The following SNX5 variants were observed in gnomAD, a reference collection of about 807,000 sequenced individuals.
The protein encoded by SNX5 is sorting nexin-5.
Under a neutral mutation model 53.9 loss-of-function variants are expected in SNX5, and 31 were observed. That is an observed-to-expected ratio of 0.58 (90% CI 0.43 to 0.78). The LOEUF is 0.78. Among genes scored for constraint, SNX5 ranks in the 30% least tolerant of loss-of-function variants. The pLI is 0.00. For synonymous variants in SNX5, 168 were observed against 171.1 expected, an observed-to-expected ratio of 0.98 and a Z score of 0.14; for missense variants, 471 against 478.8, an observed-to-expected ratio of 0.98 and a Z score of 0.15.
chr20:17,962,839 G>A (rs777486711), intron 1 of SNX5: 1 of 519,170 alleles, frequency 1.9e-6, no homozygotes, highest in Non-Finnish European at 3.8e-6. Flanking sequence ...GCAGACTGCA[G>A]GGCATTTTCA....
At chr20:17,959,861 A>G (rs527850757) in intron 1 of SNX5, among the ~76,000 whole-genome samples, 11 of 152,250 alleles carry the variant, frequency 7.2e-5, no homozygotes, top group African/African-American at 2.6e-4. Flanking sequence ...AGAACTTGCT[A>G]AATAATTGCC....
chr20:17,965,011 CAA>C (rs1418663937), intron 1 of SNX5, among the ~76,000 whole-genome samples: 3 of 152,026 alleles, frequency 2.0e-5, no homozygotes, highest in African/African-American at 7.3e-5. Flanking sequence ...TTTATTCTCA[CAA>C]AGATATCCAA....
intron 1 of SNX5, among the ~76,000 whole-genome samples, chr20:17,967,064 T>C (rs757225241): frequency 2.0e-5 from 3 of 152,184 alleles, no homozygotes; most frequent in African/African-American, 7.2e-5. Flanking sequence ...TTCATAACCA[T>C]TCTCCAATTT....
At chr20:17,951,949 C>T (rs574123921) in intron 5 of SNX5, among the ~76,000 whole-genome samples, 12 of 152,320 alleles carry the variant, frequency 7.9e-5, no homozygotes, top group East Asian at 1.9e-4. Flanking sequence ...CGCGGCCGGG[C>T]GCAGTGGCTC....
chr20:17,966,842 C>T (rs186399876), intron 1 of SNX5, among the ~76,000 whole-genome samples: 1 of 152,348 alleles, frequency 6.6e-6, no homozygotes, highest in East Asian at 1.9e-4. Context: ...AACTCCCTTT[C>T]AGTTAACCAT....
At chr20:17,948,783 A>C in intron 10 of SNX5, 107 bp downstream of exon 10, 1 of 878,670 alleles carries the variant, frequency 1.1e-6, no homozygotes, top group Non-Finnish European at 1.8e-6. Flanking sequence ...TGTCATTTAT[A>C]AAAACAAGTC....
chr20:17,968,358 G>A lies in SNX5; in HGVS notation c.51+17C>T. 1.6e-6 allele frequency: 2 copies of A among 1,265,544 alleles called. No individual in the cohort carries two copies. Among genetic ancestry groups the A allele is most frequent in the South Asian group, 3.5e-5 (1 of 28,562 alleles). 78.4% of individuals were successfully genotyped at this position (1,265,544 alleles called of 1,614,324 possible). On this transcript the variant is annotated intron_variant, in intron 1 of 12. Transcript: ENST00000377759. ...CAGGGCCGCCCGCCCAGGAGTCTGAGGCTGGGAGGACCTCACCTTGCTGCG... is the reference window on the plus strand; with the variant it reads ...CAGGGCCGCCCGCCCAGGAGTCTGAAGCTGGGAGGACCTCACCTTGCTGCG...
At position 17,941,819 on chromosome 20, in the gene SNX5, A is replaced by T. The variant is rs2039420715; in HGVS notation, c.*538T>A. Reference sequence around the variant, plus strand: ...TATTTATATCTCGACTAAAAAAAGGAGGTGCAAAGAGTATATAAAGATAAA... The same window carrying T: ...TATTTATATCTCGACTAAAAAAAGGTGGTGCAAAGAGTATATAAAGATAAA... On this transcript the variant is annotated 3_prime_UTR_variant, in exon 13 of 13. Coordinates refer to ENST00000377759, the MANE Select transcript of SNX5 (RefSeq NM_014426.4). The T allele has an allele frequency of 6.6e-6, 1 of 152,524 alleles. No individual in the cohort carries two copies. Among genetic ancestry groups the T allele is most frequent in the Non-Finnish European group, 1.5e-5 (1 of 68,346 alleles). 9.4% of individuals were successfully genotyped at this position (152,524 alleles called of 1,614,324 possible). A position where few individuals can be genotyped will look rare whatever the true frequency, so the allele number is the denominator to read the frequency against.
intron 4 of SNX5, among the ~76,000 whole-genome samples, chr20:17,953,341 T>A (rs1224096777): frequency 6.6e-6 from 1 of 152,212 alleles, no homozygotes; most frequent in Non-Finnish European, 1.5e-5. Context: ...AATGCAAGGA[T>A]GGATTCATAA....
chr20:17,953,760 AC>A (rs1315321894), intron 4 of SNX5, among the ~76,000 whole-genome samples: 3 of 152,220 alleles, frequency 2.0e-5, no homozygotes, highest in African/African-American at 7.2e-5. Context: ...ATGGGAAAAG[AC>A]AACTACTCTA....
intron 1 of SNX5, among the ~76,000 whole-genome samples, chr20:17,960,066 G>A (rs1406613726): frequency 1.3e-5 from 2 of 152,100 alleles, no homozygotes; most frequent in Non-Finnish European, 2.9e-5. Flanking sequence ...TGGGCATGCC[G>A]GACCTTTACC....
chr20:17,947,766 C>T, intron 10 of SNX5, 121 bp from the exon 11 acceptor site: 1 of 763,398 alleles, frequency 1.3e-6, no homozygotes, highest in South Asian at 2.6e-5. Flanking sequence ...CCTTCCCTCT[C>T]CCAGAGTATT....
intron 2 of SNX5, among the ~76,000 whole-genome samples, chr20:17,956,718 C>CCCACAG (rs1324695502): frequency 7.0e-6 from 1 of 142,372 alleles, no homozygotes; most frequent in African/African-American, 2.6e-5. Context: ...AAAAACAATG[C>CCCACAG]CCACAGCCCA....
In SNX5 at chr20:17,950,149, C is replaced by T. The variant is rs765139003; in HGVS notation, c.774G>A (p.Glu258=). 6.2e-7 allele frequency: 1 copy of T among 1,614,134 alleles called. No individual in the cohort carries two copies. The highest frequency in any genetic ancestry group is 8.5e-7 in the Non-Finnish European group (1 of 1,179,980). ...AACLHSLALE[E]PTVIKKYLLK... Reference sequence around the variant, plus strand: ...AAACTTACTTTTTGATGACTGTGGGCTCTTCTAAAGCCAGGCTATGTAAGC... The same window carrying T: ...AAACTTACTTTTTGATGACTGTGGGTTCTTCTAAAGCCAGGCTATGTAAGC... The change falls in exon 8 of 13, where the codon GAG becomes GAA. Residue 258 remains glutamate, a synonymous_variant. Transcript: ENST00000377759.
In SNX5 at chr20:17,962,064, G is replaced by A. The variant is rs542733914; in HGVS notation, c.52-5027C>T. ...GAAACAATGTTCCCATTGGTGCTCC[G>A]AATTGTTACTATTCTCTGCCATCCT... is the stretch of plus-strand genomic sequence containing the variant. On this transcript the variant is annotated intron_variant, in intron 1 of 12. Coordinates refer to ENST00000377759, the MANE Select transcript of SNX5 (RefSeq NM_014426.4). 1.2e-4 allele frequency: 99 copies of A among 817,934 alleles called. 1 individual carries two copies. The highest frequency in any genetic ancestry group is 2.5e-4 in the Admixed American group (4 of 16,046). 50.7% of individuals were successfully genotyped at this position (817,934 alleles called of 1,614,324 possible). A position where few individuals can be genotyped will look rare whatever the true frequency, so the allele number is the denominator to read the frequency against.
chr20:17,958,823 A>C (rs1235588832), intron 1 of SNX5, among the ~76,000 whole-genome samples: 1 of 152,206 alleles, frequency 6.6e-6, no homozygotes, highest in Non-Finnish European at 1.5e-5. Flanking sequence ...ACAGCCTTTA[A>C]AAATACCTCA....
intron 1 of SNX5, among the ~76,000 whole-genome samples, chr20:17,965,457 T>G (rs1186241866): frequency 6.6e-6 from 1 of 152,214 alleles, no homozygotes; most frequent in Non-Finnish European, 1.5e-5. Context: ...CAATGGCTCA[T>G]GCCTGTAATC....
At chr20:17,956,777 G>A (rs2035368505) in intron 2 of SNX5, among the ~76,000 whole-genome samples, 156 bp downstream of exon 2, 1 of 150,864 alleles carries the variant, frequency 6.6e-6, no homozygotes, top group Non-Finnish European at 1.5e-5. Flanking sequence ...GCACTCACCT[G>A]ATGCTTACTG....
chr20:17,954,629 G>A (rs150372869), intron 3 of SNX5, among the ~76,000 whole-genome samples: 36 of 152,292 alleles, frequency 2.4e-4, no homozygotes, highest in African/African-American at 6.7e-4. Flanking sequence ...GACAAAACGC[G>A]TGGAAATCTC....
Sources: gnomAD v4.1 joint callset for allele counts (sites outside exome capture counted in the v4.1 genomes callset) on GRCh38, gnomAD v4.1.1 for gene constraint, MANE v1.5 for transcripts, NCBI Gene and HGNC (gene_info 2026-07-23, HGNC 2026-07-21) for gene names.